DMC1: variants seen among roughly 807,000 people sequenced by gnomAD.
The protein encoded by DMC1 is meiotic recombination protein DMC1 homolog.
In DMC1, 27 loss-of-function variants were observed where a neutral mutation model predicts 50.1. The ratio of observed to expected loss-of-function variants is 0.54; its 90% confidence interval spans 0.40 to 0.74. The LOEUF (loss-of-function observed/expected upper bound fraction) is 0.74. Among genes scored for constraint, DMC1 ranks in the 30% least tolerant of loss-of-function variants. The pLI is 0.00. For synonymous variants in DMC1, 148 were observed against 136.1 expected (o/e 1.09, Z -0.61); for missense variants, 295 against 420.2 (o/e 0.70, Z 2.60).
intron 6 of DMC1, among the ~76,000 whole-genome samples, chr22:38,554,559 C>A (rs567691243): frequency 6.6e-6 from 1 of 151,370 alleles, no homozygotes; most frequent in Admixed American, 6.6e-5. Context: ...GAGGATAGGA[C>A]GGGTGCAGTG....
downstream of DMC1, among the ~76,000 whole-genome samples, chr22:38,518,262 G>A (rs111952239): frequency 2.0e-5 from 3 of 152,110 alleles, no homozygotes; most frequent in South Asian, 2.1e-4. Flanking sequence ...GTGAGCTACC[G>A]CACCCAGCAG....
At chr22:38,527,012 A>G (rs147591765) in intron 12 of DMC1, among the ~76,000 whole-genome samples, 318 of 152,240 alleles carry the variant, frequency 2.1e-3, no homozygotes, top group Admixed American at 7.3e-3. Flanking sequence ...ACTATGGTCA[A>G]TTCACTGGAG....
At chr22:38,550,659 G>C (rs1265103469) in intron 7 of DMC1, among the ~76,000 whole-genome samples, 3 of 150,370 alleles carry the variant, frequency 2.0e-5, no homozygotes, top group Non-Finnish European at 4.4e-5. Flanking sequence ...GGCCGGGCAT[G>C]GTGGCTCATG....
intron 5 of DMC1, among the ~76,000 whole-genome samples, chr22:38,556,747 C>T (rs923911722): frequency 3.9e-5 from 6 of 152,264 alleles, no homozygotes; most frequent in Admixed American, 1.3e-4. Flanking sequence ...AGTCTATTAA[C>T]ATGATTTTTT....
At chr22:38,534,044 C>A (rs1323239511) in intron 12 of DMC1, among the ~76,000 whole-genome samples, 1 of 152,172 alleles carries the variant, frequency 6.6e-6, no homozygotes, top group African/African-American at 2.4e-5. Context: ...ACAAAAATGT[C>A]GGTGTCATAA....
chr22:38,567,901 T>C (rs912289451), intron 2 of DMC1, among the ~76,000 whole-genome samples: 1 of 152,202 alleles, frequency 6.6e-6, no homozygotes, highest in African/African-American at 2.4e-5. Flanking sequence ...ATTTTAAATA[T>C]GTTTTCTCAA....
chr22:38,527,150 CT>C (rs371337752), intron 12 of DMC1, among the ~76,000 whole-genome samples: 156 of 152,244 alleles, frequency 1.0e-3, no homozygotes, highest in African/African-American at 3.6e-3. Flanking sequence ...TTCTGTCTGG[CT>C]TTTTAGCCAT....
the DMC1 span, among the ~76,000 whole-genome samples, chr22:38,511,748 T>G: frequency 6.6e-6 from 1 of 152,070 alleles, no homozygotes; most frequent in Non-Finnish European, 1.5e-5. Context: ...CTACAGGTGC[T>G]CATCACCATG....
At chr22:38,518,562 A>T (rs2089992307), downstream of DMC1, among the ~76,000 whole-genome samples, 1 of 149,280 alleles carries the variant, frequency 6.7e-6, no homozygotes. Context: ...ACAGAGTCTC[A>T]CTCTGTGACC....
chr22:38,522,328 G>C (rs1010520216), intron 12 of DMC1, among the ~76,000 whole-genome samples: 1 of 151,624 alleles, frequency 6.6e-6, no homozygotes, highest in Non-Finnish European at 1.5e-5. Context: ...GGTCGAGGTG[G>C]GTGGATCACT....
chr22:38,565,848 T>C (rs763686723), intron 4 of DMC1, among the ~76,000 whole-genome samples: 3 of 152,188 alleles, frequency 2.0e-5, no homozygotes, highest in Non-Finnish European at 4.4e-5. Flanking sequence ...CTCTTATCAA[T>C]TGGCTATATC....
intron 4 of DMC1, 111 bp from the exon 5 acceptor site, chr22:38,562,480 G>A (rs1343517967): frequency 1.3e-6 from 1 of 781,382 alleles, no homozygotes; most frequent in Non-Finnish European, 2.2e-6. Flanking sequence ...TTTGGTATAA[G>A]CTACAGTTCA....
At chr22:38,539,051 T>A (rs909030605) in intron 9 of DMC1, among the ~76,000 whole-genome samples, 3 of 151,362 alleles carry the variant, frequency 2.0e-5, no homozygotes, top group Non-Finnish European at 4.4e-5. Context: ...AAAAAAAAAA[T>A]TATTGCATAT....
At chr22:38,534,741 C>G (rs894824177) in intron 12 of DMC1, among the ~76,000 whole-genome samples, 1 of 151,520 alleles carries the variant, frequency 6.6e-6, no homozygotes, top group African/African-American at 2.4e-5. Flanking sequence ...GTGGGTCATG[C>G]CTGTAATCCC....
chr22:38,561,938 T>C (rs1479254924), intron 5 of DMC1, among the ~76,000 whole-genome samples: 2 of 152,194 alleles, frequency 1.3e-5, no homozygotes, highest in Admixed American at 1.3e-4. Context: ...AAATATTTAA[T>C]CTAACAATTG....
intron 8 of DMC1, 50 bp downstream of exon 8, chr22:38,549,875 A>G: frequency 7.3e-7 from 1 of 1,374,732 alleles, no homozygotes; most frequent in Non-Finnish European, 1.0e-6. Flanking sequence ...TTCAGTGGTA[A>G]CATTCCTATA....
At position 38,566,727 on chromosome 22, in the gene DMC1, C is replaced by T. The variant is rs1569172827; in HGVS notation, c.106G>A (p.Asp36Asn). The change falls in exon 4 of 14, where the codon GAC (aspartate) becomes AAC (asparagine). Residue 36 changes from aspartate to asparagine, a missense_variant. Physicochemically the swap from Asp to Asn is conservative, Grantham distance 23. Transcript: ENST00000216024. ...LLQKHGINVADIKKLKSVGIC... is the reference protein window; with the variant it reads ...LLQKHGINVANIKKLKSVGIC... ...CCTACTGATTTCAGTTTCTTAATGT[C>T]AGCCACGTTCTGTAAATTAAAGAAT... 5.0e-6 allele frequency: 8 copies of T among 1,613,910 alleles called. No homozygotes were observed. The highest frequency in any genetic ancestry group is 6.8e-6 in the Non-Finnish European group (8 of 1,179,882).
chr22:38,513,124 G>A, the DMC1 span, among the ~76,000 whole-genome samples: 1 of 151,782 alleles, frequency 6.6e-6, no homozygotes, highest in Non-Finnish European at 1.5e-5. Flanking sequence ...TGAATTAGCA[G>A]AAGACTGCAG....
rs977757278 is a variant in DMC1 at position 38,544,689 on chromosome 22, G to A, written c.494+5236C>T. Reference sequence around the variant, plus strand: ...TCCCCAGGCTGGAGTGCAGTGGCGCGATCTCAGCTCACTGCAACCTCCACC... The same window carrying A: ...TCCCCAGGCTGGAGTGCAGTGGCGCAATCTCAGCTCACTGCAACCTCCACC... On this transcript the variant is annotated intron_variant, in intron 8 of 13. Transcript: ENST00000216024. Among the ~76,000 whole-genome samples, 11 of 151,128 alleles carry A rather than the reference G, an allele frequency of 7.3e-5. No individual in the cohort carries two copies. The East Asian group carries it at 9.8e-4, about 13-fold the overall frequency.
Sources: gnomAD v4.1 joint callset for allele counts (sites outside exome capture counted in the v4.1 genomes callset) on GRCh38, gnomAD v4.1.1 for gene constraint, MANE v1.5 for transcripts, NCBI Gene and HGNC (gene_info 2026-07-23, HGNC 2026-07-21) for gene names.